Variants in RPN2 observed in about 807,000 individuals in gnomAD.
RPN2 encodes ribophorin II.
RPN2 carries 29 observed loss-of-function variants against 71.4 expected under a neutral mutation model. That is an observed-to-expected ratio of 0.41 (90% CI 0.30 to 0.55). The LOEUF (loss-of-function observed/expected upper bound fraction) is 0.55, where lower values mean the gene tolerates loss of function less well. Ranked by LOEUF, RPN2 falls within the 20% of genes least tolerant of loss-of-function variation. The pLI, the probability that RPN2 is intolerant of heterozygous loss-of-function variation, is 0.35. For missense variants in RPN2, 726 were observed against 774.1 expected, an observed-to-expected ratio of 0.94 and a Z score of 0.74; for synonymous variants, 308 against 305.0, an observed-to-expected ratio of 1.01 and a Z score of -0.10.
chr20:37,218,470 G>A (rs921377742), intron 9 of RPN2, among the ~76,000 whole-genome samples: 1 of 152,044 alleles, frequency 6.6e-6, no homozygotes, highest in African/African-American at 2.4e-5. Context: ...CACTTTGGGA[G>A]GCCGAGGTAG....
Position 37,184,096 on chromosome 20 carries a change from A to G in RPN2, c.14-84A>G, listed in dbSNP as rs932620970. On this transcript the variant is annotated intron_variant, in intron 1 of 16. Coordinates refer to ENST00000237530, the MANE Select transcript of RPN2 (RefSeq NM_002951.5). Reference sequence around the variant, plus strand: ...CCCTTCCCCATGTGATTTGGTTCCCAGATCTTGGTGTGCATCATCATTGGG... The same window carrying G: ...CCCTTCCCCATGTGATTTGGTTCCCGGATCTTGGTGTGCATCATCATTGGG... 3.3e-6 allele frequency: 5 copies of G among 1,528,766 alleles called. No homozygotes were observed. In the African/African-American group the frequency reaches 6.8e-5, roughly 21 times the overall value. 94.7% of individuals were successfully genotyped at this position (1,528,766 alleles called of 1,614,324 possible).
intron 1 of RPN2, among the ~76,000 whole-genome samples, chr20:37,180,195 G>A (rs1282828005): frequency 1.3e-5 from 2 of 152,202 alleles, no homozygotes; most frequent in African/African-American, 4.8e-5. Context: ...TACTTGCCCA[G>A]GGTGACACAT....
Position 37,198,480 on chromosome 20 carries a change from C to G in RPN2, c.291C>G (p.Leu97=), listed in dbSNP as rs748928289. The G allele has an allele frequency of 1.9e-6, 3 of 1,614,172 alleles. No individual in the cohort carries two copies. In the East Asian group the frequency reaches 6.7e-5, roughly 36 times the overall value. ...ACGCTGCCCAGGCCAGCCAGGCCCT[C>G]TCAGGATGTGAGGTGAGTCCGGGTT... The part of the protein sequence containing the change: ...LFYAAQASQA[L]SGCEISISNE... The change falls in exon 3 of 17, where the codon CTC becomes CTG. Residue 97 remains leucine (L), a synonymous_variant. Transcript: ENST00000237530.
At chr20:37,228,459 A>G (rs925576030) in intron 11 of RPN2, 91 bp from the exon 12 acceptor site, 3 of 1,278,682 alleles carry the variant, frequency 2.3e-6, no homozygotes, top group Admixed American at 1.7e-5. Context: ...ACAAAGCGCT[A>G]ATAACCGTCT....
intron 3 of RPN2, among the ~76,000 whole-genome samples, 174 bp from the exon 4 acceptor site, chr20:37,198,876 G>A (rs2067315591): frequency 6.6e-6 from 1 of 152,154 alleles, no homozygotes; most frequent in Non-Finnish European, 1.5e-5. Context: ...TCACATGGGA[G>A]TGTTGTACCG....
rs200791201 is a variant in RPN2 at position 37,213,807 on chromosome 20, A to G, written c.1034A>G (p.Tyr345Cys). 1.7e-5 allele frequency: 28 copies of G among 1,614,048 alleles called. No individual in the cohort carries two copies. Among genetic ancestry groups the G allele is most frequent in the East Asian group, 2.2e-5 (1 of 44,894 alleles). Residue 345 changes from tyrosine to cysteine, a missense_variant, in exon 9 of 17, where the codon TAT (tyrosine) becomes TGT (cysteine). Coordinates refer to ENST00000237530, the MANE Select transcript of RPN2 (RefSeq NM_002951.5). ...ATGAACGTCAAATTTTCCAGTGGTT[A>G]TTATGACTTCCTTGTCGAAGTTGAA... is the stretch of plus-strand genomic sequence containing the variant. The part of the protein sequence containing the change: ...NFMNVKFSSG[Y>C]YDFLVEVEGD...
chr20:37,190,546 A>G (rs1286171735), intron 2 of RPN2, among the ~76,000 whole-genome samples: 2 of 152,206 alleles, frequency 1.3e-5, no homozygotes, highest in Non-Finnish European at 2.9e-5. Flanking sequence ...TAGCACGTTG[A>G]TGGCATGTGG....
chr20:37,238,828 A>G (rs1260523555), intron 16 of RPN2: 1 of 532,254 alleles, frequency 1.9e-6, no homozygotes, highest in Non-Finnish European at 3.7e-6. Flanking sequence ...TGACGGTCCC[A>G]TGGCAAATCC....
intron 2 of RPN2, among the ~76,000 whole-genome samples, chr20:37,196,041 A>T (rs1378532720): frequency 6.7e-6 from 1 of 150,194 alleles, no homozygotes; most frequent in Non-Finnish European, 1.5e-5. Context: ...ACCCTGTCCT[A>T]CTCTCCAGGA....
intron 16 of RPN2, among the ~76,000 whole-genome samples, chr20:37,240,697 CAA>C (rs1222437803): frequency 3.3e-5 from 5 of 152,218 alleles, no homozygotes; most frequent in East Asian, 1.9e-4. Context: ...GGAGGGGAAA[CAA>C]AGAGTACAGG....
In RPN2 at chr20:37,199,076, T is replaced by G. The variant is rs200831578; in HGVS notation, c.330T>G (p.Asp110Glu). The G allele has an allele frequency of 1.9e-6, 3 of 1,613,724 alleles. No homozygotes were observed. The Admixed American group carries it at 5.0e-5, about 27-fold the overall frequency. Residue 110 changes from aspartate (D) to glutamate (E), a missense_variant, in exon 4 of 17, where the codon GAT (aspartate) becomes GAG (glutamate). Coordinates refer to ENST00000237530, the MANE Select transcript of RPN2 (RefSeq NM_002951.5). Reference protein sequence around the residue: ...CEISISNETKDLLLAAVSEDS... With the variant: ...CEISISNETKELLLAAVSEDS... ...TCTCTATTTCAAATGAGACCAAAGA[T>G]CTGCTTCTGGCAGCTGTCAGTGAGG...
At chr20:37,193,941 A>C (rs2067201065) in intron 2 of RPN2, among the ~76,000 whole-genome samples, 1 of 152,108 alleles carries the variant, frequency 6.6e-6, no homozygotes, top group Admixed American at 6.6e-5. Flanking sequence ...CAGGCCTAGG[A>C]GCTGAGAAAC....
intron 13 of RPN2, among the ~76,000 whole-genome samples, chr20:37,230,985 C>G (rs2068228626): frequency 6.6e-6 from 1 of 151,782 alleles, no homozygotes; most frequent in African/African-American, 2.4e-5. Flanking sequence ...GCTGTGTCAT[C>G]ATGGAGCTGG....
At chr20:37,239,869 C>T (rs1175510770) in intron 16 of RPN2, among the ~76,000 whole-genome samples, 2 of 152,140 alleles carry the variant, frequency 1.3e-5, no homozygotes, top group Non-Finnish European at 2.9e-5. Context: ...ACTGTCCTTG[C>T]TGCTACATGT....
intron 2 of RPN2, among the ~76,000 whole-genome samples, chr20:37,191,812 T>G (rs1014429687): frequency 6.6e-6 from 1 of 152,172 alleles, no homozygotes; most frequent in South Asian, 2.1e-4. Context: ...CTGGGCACAG[T>G]GGCTTATGCC....
chr20:37,241,398 G>GAA lies in RPN2; in HGVS notation c.*92_*93dup. On this transcript the variant is annotated 3_prime_UTR_variant, in exon 17 of 17. Transcript: ENST00000237530. ...AATTCACAGTATGAGAAGAAAAATG[G>GAA]AAAAAAAAAACTTTATTTAAAAAAG... 45 of 1,348,466 alleles carry GAA rather than the reference G, an allele frequency of 3.3e-5. No homozygotes were observed. The highest frequency in any genetic ancestry group is 3.8e-5 in the Non-Finnish European group (38 of 992,330). 83.5% of individuals were successfully genotyped at this position (1,348,466 alleles called of 1,614,324 possible). A position where few individuals can be genotyped will look rare whatever the true frequency, so the allele number is the denominator to read the frequency against.
At position 37,198,384 on chromosome 20, in the gene RPN2, C is replaced by T. The variant is rs1473728670; in HGVS notation, c.208-13C>T. On this transcript the variant is annotated splice_polypyrimidine_tract_variant and intron_variant, in intron 2 of 16. Coordinates refer to ENST00000237530, the MANE Select transcript of RPN2 (RefSeq NM_002951.5). ...GTGTCACCACTTAACATTGACTTTT[C>T]CCCACTGTGTAGAAAGCATGTACCT... 6.2e-7 allele frequency: 1 copy of T among 1,614,184 alleles called. No homozygotes were observed. Among genetic ancestry groups the T allele is most frequent in the South Asian group, 1.1e-5 (1 of 91,084 alleles).
intron 6 of RPN2, among the ~76,000 whole-genome samples, chr20:37,206,930 C>CG (rs2067524038): frequency 6.6e-6 from 1 of 152,012 alleles, no homozygotes; most frequent in Non-Finnish European, 1.5e-5. Context: ...AGGCTGGTCT[C>CG]GAACTCCTGA....
At chr20:37,198,375 T>A in intron 2 of RPN2, 22 bp from the exon 3 acceptor site, 1 of 1,614,224 alleles carries the variant, frequency 6.2e-7, no homozygotes, top group Non-Finnish European at 8.5e-7. Flanking sequence ...CCACTTAACA[T>A]TGACTTTTCC....
Sources: gnomAD v4.1 joint callset for allele counts (sites outside exome capture counted in the v4.1 genomes callset) on GRCh38, gnomAD v4.1.1 for gene constraint, MANE v1.5 for transcripts, NCBI Gene and HGNC (gene_info 2026-07-23, HGNC 2026-07-21) for gene names.